The following PDE10A variants were observed in gnomAD, a reference collection of about 807,000 sequenced individuals.
PDE10A encodes cAMP and cAMP-inhibited cGMP 3',5'-cyclic phosphodiesterase 10A.
A neutral mutation model predicts 97.7 loss-of-function variants in PDE10A; 39 were observed. That is an observed-to-expected ratio of 0.40 (90% confidence interval 0.31 to 0.52). The LOEUF is 0.52. PDE10A is among the 20% of genes least tolerant of loss of function. The probability of loss-of-function intolerance (pLI) is 0.56; values close to 1 mark genes in which losing one functional copy is unlikely to be tolerated. For synonymous variants in PDE10A, 371 were observed against 376.8 expected, an observed-to-expected ratio of 0.98 and a Z score of 0.18; for missense variants, 731 against 1,047.8, an observed-to-expected ratio of 0.70 and a Z score of 4.17.
In PDE10A at chr6:165,752,021, T is replaced by C. The variant is rs1202272172; in HGVS notation, c.-614-208453A>G. On this transcript the variant is annotated intron_variant, in intron 1 of 19. Coordinates refer to the PDE10A transcript ENST00000366882. ...AGCCAGGCATGGTGACGGGCACCTATAGTCCCAGCTACTCAGGAGGCTGAG... is the reference window on the plus strand; with the variant it reads ...AGCCAGGCATGGTGACGGGCACCTACAGTCCCAGCTACTCAGGAGGCTGAG... 3.3e-5 allele frequency among the ~76,000 whole-genome samples: 5 copies of C among 149,316 alleles called. No individual in the cohort carries two copies. The Admixed American group carries it at 3.4e-4, about 10-fold the overall frequency.
rs1302797307 is a variant in PDE10A, at chr6:165,477,296, C to T, written c.1023+5019G>A. ...CTCCTTCACTTCCCTTAGGTTTTTC[C>T]TCAAATGTGTTCCCAGTGAGCCAAG... is the stretch of plus-strand genomic sequence containing the variant. On this transcript the variant is annotated intron_variant, in intron 3 of 21. Coordinates refer to ENST00000539869, the MANE Select transcript of PDE10A (RefSeq NM_001385079.1). Among the ~76,000 whole-genome samples, 7 of 132,902 alleles carry T rather than the reference C, an allele frequency of 5.3e-5. No homozygotes were observed. The Admixed American group carries it at 5.8e-4, about 11-fold the overall frequency. The allele number at this position is 132,902 out of a possible 152,430, so 87.2% of individuals were successfully genotyped here.
chr6:165,375,628 T>C (rs1410687727), intron 18 of PDE10A, among the ~76,000 whole-genome samples: 1 of 152,184 alleles, frequency 6.6e-6, no homozygotes, highest in Non-Finnish European at 1.5e-5. Flanking sequence ...ATTTTCAGTA[T>C]AGACAAAACA....
chr6:165,468,732 G>GT (rs1221612732), intron 3 of PDE10A, among the ~76,000 whole-genome samples: 3 of 152,178 alleles, frequency 2.0e-5, no homozygotes, highest in Non-Finnish European at 4.4e-5. Flanking sequence ...GACCAAAAAA[G>GT]TATCTGATGC....
At chr6:165,691,492 G>A (rs1481708482) in intron 1 of PDE10A, among the ~76,000 whole-genome samples, 1 of 151,868 alleles carries the variant, frequency 6.6e-6, no homozygotes, top group East Asian at 1.9e-4. Flanking sequence ...GATGTTCTTA[G>A]ACAACAAAAT....
chr6:165,424,511 G>A (rs1252029010), intron 10 of PDE10A, among the ~76,000 whole-genome samples: 1 of 152,162 alleles, frequency 6.6e-6, no homozygotes, highest in Non-Finnish European at 1.5e-5. Flanking sequence ...CTCTAATGGG[G>A]TCTTAGCTGA....
chr6:165,807,742 C>G (rs1313926755), intron 1 of PDE10A, among the ~76,000 whole-genome samples: 2 of 152,012 alleles, frequency 1.3e-5, no homozygotes, highest in Non-Finnish European at 2.9e-5. Context: ...GGCTTGCCGG[C>G]GGCAGTGGTT....
chr6:165,971,326 A>G (rs1210838216), intron 1 of PDE10A, among the ~76,000 whole-genome samples: 2 of 152,110 alleles, frequency 1.3e-5, no homozygotes, highest in East Asian at 3.9e-4. Flanking sequence ...GCCATCCATG[A>G]TTCAATTCAG....
At chr6:165,430,374 CA>C in intron 8 of PDE10A, 29 bp from the exon 9 acceptor site, 1 of 1,403,358 alleles carries the variant, frequency 7.1e-7, no homozygotes, top group Non-Finnish European at 1.0e-6. Context: ...GGTACAATTA[CA>C]AGAGATTTCT....
chr6:165,886,655 C>G (rs1462049789), intron 1 of PDE10A, among the ~76,000 whole-genome samples: 1 of 152,202 alleles, frequency 6.6e-6, no homozygotes, highest in Non-Finnish European at 1.5e-5. Flanking sequence ...CATCGAGAAT[C>G]TGTATCACAT....
At chr6:165,394,813 GA>G (rs962303217) in intron 15 of PDE10A, among the ~76,000 whole-genome samples, 7 of 152,118 alleles carry the variant, frequency 4.6e-5, no homozygotes, top group African/African-American at 1.7e-4. Context: ...TTTCTCTAAT[GA>G]CCAGTGATGA....
At chr6:165,947,796 C>T (rs1396598922) in intron 1 of PDE10A, among the ~76,000 whole-genome samples, 3 of 152,140 alleles carry the variant, frequency 2.0e-5, no homozygotes, top group African/African-American at 4.8e-5. Context: ...TTTGCACAAT[C>T]GTATGGGTTT....
chr6:165,390,004 G>A (rs1478598592), intron 16 of PDE10A, among the ~76,000 whole-genome samples: 1 of 152,166 alleles, frequency 6.6e-6, no homozygotes, highest in Non-Finnish European at 1.5e-5. Flanking sequence ...AACATTGCTT[G>A]AAAAGACTGA....
At chr6:165,560,486 C>CAGAACTGTGT (rs1554286406) in intron 1 of PDE10A, among the ~76,000 whole-genome samples, 2 of 152,186 alleles carry the variant, frequency 1.3e-5, no homozygotes, top group Non-Finnish European at 2.9e-5. Context: ...CAAATAGTTA[C>CAGAACTGTGT]ACAGGGTCTA....
At chr6:165,709,129 T>G (rs1343074326) in intron 1 of PDE10A, among the ~76,000 whole-genome samples, 1 of 124,054 alleles carries the variant, frequency 8.1e-6, no homozygotes, top group Non-Finnish European at 1.7e-5. Context: ...TCCGCCTCCA[T>G]GCTCCCACGC....
At chr6:165,894,426 A>C (rs1422705419) in intron 1 of PDE10A, 1 of 456,028 alleles carries the variant, frequency 2.2e-6, no homozygotes, top group Non-Finnish European at 4.4e-6. Context: ...GATATAAGTC[A>C]AGGCCTGCAT....
chr6:165,569,631 G>T (rs1784954144), intron 1 of PDE10A, among the ~76,000 whole-genome samples: 5 of 152,056 alleles, frequency 3.3e-5, no homozygotes, highest in Admixed American at 3.3e-4. Flanking sequence ...CTCTTTATAG[G>T]AAATGTTCCT....
At chr6:165,726,730 C>G (rs114803885) in intron 1 of PDE10A, among the ~76,000 whole-genome samples, 1 of 152,226 alleles carries the variant, frequency 6.6e-6, no homozygotes, top group African/African-American at 2.4e-5. Context: ...CGGCCCTCCC[C>G]GGCCATCTGC....
intron 3 of PDE10A, among the ~76,000 whole-genome samples, chr6:165,481,900 C>T (rs1583374553): frequency 6.6e-6 from 1 of 152,316 alleles, no homozygotes; most frequent in East Asian, 1.9e-4. Flanking sequence ...AAGCCAGCTA[C>T]ATGGAGGACT....
chr6:165,435,320 C>G lies in PDE10A; in HGVS notation c.1252G>C (p.Ala418Pro). 1 of 1,613,988 alleles carries G rather than the reference C, an allele frequency of 6.2e-7. No individual in the cohort carries two copies. Among genetic ancestry groups the G allele is most frequent in the Non-Finnish European group, 8.5e-7 (1 of 1,179,898 alleles). The change falls in exon 6 of 22, where the codon GCT (alanine) becomes CCT (proline). Residue 418 changes from alanine (A) to proline (P), a missense_variant. By Grantham distance (27) the Ala-to-Pro change is conservative (BLOSUM62 -1). This residue lies in a region of PDE10A where 152 missense variants were observed against 199.3 expected (regional missense o/e 0.76). Coordinates refer to ENST00000539869, the MANE Select transcript of PDE10A (RefSeq NM_001385079.1). ...IKEGKPRLIPAGPITQGTTVS... is the reference protein window; with the variant it reads ...IKEGKPRLIPPGPITQGTTVS... ...GTGGTGCCCTGAGTGATGGGCCCAG[C>G]AGGGATGAGGCGGGGTTTTCCTTCC...
Sources: allele counts gnomAD v4.1 joint callset (sites outside exome capture counted in the v4.1 genomes callset), GRCh38; gene constraint gnomAD v4.1.1; regional missense constraint gnomAD v4.1.1; transcripts MANE v1.5; gene names NCBI Gene and HGNC (gene_info 2026-07-23, HGNC 2026-07-21).